SUSD1: variants seen among roughly 807,000 people sequenced by gnomAD.
The protein encoded by SUSD1 is sushi domain-containing protein 1.
In SUSD1, 65 loss-of-function variants were observed where a neutral mutation model predicts 86.9. The observed-to-expected ratio is 0.75, with a 90% CI of 0.61 to 0.92. The LOEUF (loss-of-function observed/expected upper bound fraction) is 0.92, where lower values mean the gene tolerates loss of function less well. Ranked by LOEUF, SUSD1 falls within the 40% of genes least tolerant of loss-of-function variation. The pLI, the probability that SUSD1 is intolerant of heterozygous loss-of-function variation, is 0.00. For missense variants in SUSD1, 850 were observed against 929.7 expected (o/e 0.91, Z 1.11); for synonymous variants, 346 against 350.0 (o/e 0.99, Z 0.13).
At chr9:112,137,793 C>A (rs1589708555) in intron 5 of SUSD1, 1 of 152,106 alleles carries the variant, frequency 6.6e-6, no homozygotes, top group East Asian at 1.9e-4. Flanking sequence ...TGAAAAATTC[C>A]ATCATGCTCA....
rs1196821450 is a variant in SUSD1 at position 112,078,809 on chromosome 9, C to CACTTTTTT, written c.1567-86_1567-85insAAAAAAGT. 6.0e-6 allele frequency: 5 copies of CACTTTTTT among 830,118 alleles called. No homozygotes were observed. The African/African-American group carries it at 9.3e-5, about 15-fold the overall frequency. The allele number at this position is 830,118 out of a possible 1,614,324, so 51.4% of individuals were successfully genotyped here. On this transcript the variant is annotated intron_variant, in intron 11 of 16. Transcript: ENST00000374270. Reference sequence around the variant, plus strand: ...AAACCTCCCCTTTTCCTTTTTCTTTCTCTTTTTTTTTTTTTTTTTTTGAGA... The same window carrying CACTTTTTT: ...AAACCTCCCCTTTTCCTTTTTCTTTCACTTTTTTTCTTTTTTTTTTTTTTTTTTTGAGA...
intron 12 of SUSD1, among the ~76,000 whole-genome samples, chr9:112,068,397 G>T (rs149956210): frequency 3.7e-4 from 57 of 152,258 alleles, no homozygotes; most frequent in African/African-American, 1.3e-3. Flanking sequence ...GGTTCCAGAA[G>T]TAATAAGAAG....
At chr9:112,098,685 T>C in intron 9 of SUSD1, 23 bp from the exon 10 acceptor site, 1 of 1,612,000 alleles carries the variant, frequency 6.2e-7, no homozygotes, top group South Asian at 1.1e-5. Context: ...TAAAAGAAAG[T>C]GTTACATTAG....
chr9:112,100,857 G>GACACACACAC (rs5899985), intron 9 of SUSD1, among the ~76,000 whole-genome samples: 31,373 of 140,164 alleles, frequency 0.22, 3,790 homozygotes, highest in East Asian at 0.41. Flanking sequence ...ATTGTACCTG[G>GACACACACAC]ACACACACAC....
intron 5 of SUSD1, among the ~76,000 whole-genome samples, chr9:112,137,355 A>ATT (rs1219870298): frequency 6.6e-6 from 1 of 152,148 alleles, no homozygotes; most frequent in Non-Finnish European, 1.5e-5. Context: ...TCTTTTAAAT[A>ATT]ACAGTTCTTT....
rs145439704 is a variant in SUSD1, at chr9:112,089,071, C to A, written c.1475-8906G>T. Among the ~76,000 whole-genome samples the A allele has an allele frequency of 1.4e-3, 212 of 152,274 alleles. 1 individual carries two copies. The highest frequency in any genetic ancestry group is 4.8e-3 in the African/African-American group (201 of 41,556). On this transcript the variant is annotated intron_variant, in intron 10 of 16. Transcript: ENST00000374270. Reference sequence around the variant, plus strand: ...ACAGTGAGCTATGATCAATCCACTGCACTCCAGTCTGGGCAACAGGGTGAG... The same window carrying A: ...ACAGTGAGCTATGATCAATCCACTGAACTCCAGTCTGGGCAACAGGGTGAG...
chr9:112,094,981 G>A (rs1027796057), intron 10 of SUSD1, among the ~76,000 whole-genome samples: 4 of 152,150 alleles, frequency 2.6e-5, no homozygotes, highest in African/African-American at 7.2e-5. Context: ...ACATCTGCCT[G>A]GGAAATAGAG....
At chr9:112,172,318 T>C (rs1478363530) in intron 1 of SUSD1, among the ~76,000 whole-genome samples, 1 of 152,116 alleles carries the variant, frequency 6.6e-6, no homozygotes, top group Non-Finnish European at 1.5e-5. Flanking sequence ...ACCAGATCCA[T>C]CCAATTCAAA....
intron 2 of SUSD1, among the ~76,000 whole-genome samples, chr9:112,153,164 G>A (rs1833140027): frequency 6.6e-6 from 1 of 151,868 alleles, no homozygotes; most frequent in African/African-American, 2.4e-5. Flanking sequence ...CTACTTGGGA[G>A]GCCGAGGTGG....
intron 6 of SUSD1, among the ~76,000 whole-genome samples, chr9:112,120,409 G>A (rs1831504420): frequency 6.6e-6 from 1 of 152,152 alleles, no homozygotes; most frequent in South Asian, 2.1e-4. Context: ...AGCTGAGCAA[G>A]AGCCATGGTA....
chr9:112,163,574 G>C (rs1402158653), intron 1 of SUSD1, among the ~76,000 whole-genome samples: 1 of 151,902 alleles, frequency 6.6e-6, no homozygotes, highest in Non-Finnish European at 1.5e-5. Context: ...GGAGATCAAG[G>C]CTGCAGTGTG....
At chr9:112,158,503 C>T (rs1306669455) in intron 1 of SUSD1, among the ~76,000 whole-genome samples, 1 of 152,008 alleles carries the variant, frequency 6.6e-6, no homozygotes, top group South Asian at 2.1e-4. Flanking sequence ...CAATTCTCCC[C>T]ACCTCAACCT....
intron 5 of SUSD1, among the ~76,000 whole-genome samples, chr9:112,131,552 G>C (rs1021103375): frequency 6.6e-6 from 1 of 152,028 alleles, no homozygotes; most frequent in Non-Finnish European, 1.5e-5. Flanking sequence ...AGACCAAATG[G>C]CATCCAAGAA....
intron 6 of SUSD1, among the ~76,000 whole-genome samples, chr9:112,121,086 T>A (rs996717326): frequency 6.6e-6 from 1 of 152,342 alleles, no homozygotes; most frequent in South Asian, 2.1e-4. Flanking sequence ...TAGCTCCAAT[T>A]ATTAAGACTG....
At chr9:112,135,044 C>T (rs1249300758) in intron 5 of SUSD1, among the ~76,000 whole-genome samples, 1 of 147,318 alleles carries the variant, frequency 6.8e-6, no homozygotes, top group African/African-American at 2.5e-5. Flanking sequence ...CCAGCCTGGG[C>T]AACAAGAGCA....
At chr9:112,077,927 A>G (rs1386471718) in intron 12 of SUSD1, among the ~76,000 whole-genome samples, 1 of 152,222 alleles carries the variant, frequency 6.6e-6, no homozygotes, top group East Asian at 1.9e-4. Flanking sequence ...CAGAAGCTAT[A>G]CAACCAACAC....
At chr9:112,168,076 T>C (rs1367414408) in intron 1 of SUSD1, among the ~76,000 whole-genome samples, 3 of 152,216 alleles carry the variant, frequency 2.0e-5, no homozygotes, top group Non-Finnish European at 4.4e-5. Context: ...GGAGCTACAA[T>C]TCAAGTTGAG....
intron 5 of SUSD1, among the ~76,000 whole-genome samples, chr9:112,127,643 T>C (rs1477898188): frequency 1.3e-5 from 2 of 152,144 alleles, no homozygotes; most frequent in Non-Finnish European, 2.9e-5. Context: ...ATTATAGCAG[T>C]GAACAAAGTG....
At chr9:112,089,063 A>G (rs756356432) in intron 10 of SUSD1, among the ~76,000 whole-genome samples, 27 of 152,310 alleles carry the variant, frequency 1.8e-4, no homozygotes, top group Non-Finnish European at 3.2e-4. Flanking sequence ...GCTATGATCA[A>G]TCCACTGCAC....
Sources: allele counts gnomAD v4.1 joint callset (sites outside exome capture counted in the v4.1 genomes callset), GRCh38; gene constraint gnomAD v4.1.1; transcripts MANE v1.5; gene names NCBI Gene and HGNC (gene_info 2026-07-23, HGNC 2026-07-21).